Variants in SH3RF3 observed in about 807,000 individuals in gnomAD.
The protein encoded by SH3RF3 is E3 ubiquitin-protein ligase SH3RF3.
SH3RF3 carries 29 observed loss-of-function variants against 66.3 expected under a neutral mutation model. That is an observed-to-expected ratio of 0.44 (90% CI 0.33 to 0.60). SH3RF3 has a LOEUF of 0.60. Among genes scored for constraint, SH3RF3 ranks in the 20% least tolerant of loss-of-function variants. The pLI is 0.04. For missense variants in SH3RF3, 1,194 were observed against 1,190.9 expected (o/e 1.00, Z -0.04); for synonymous variants, 583 against 532.0 (o/e 1.10, Z -1.32).
At chr2:109,240,867 A>C (rs533048973) in intron 1 of SH3RF3, among the ~76,000 whole-genome samples, 1 of 86,556 alleles carries the variant, frequency 1.2e-5, no homozygotes, top group South Asian at 3.9e-4. Flanking sequence ...TGCCCTTGGG[A>C]ACTTGATTCC....
intron 1 of SH3RF3, among the ~76,000 whole-genome samples, chr2:109,133,203 A>G (rs1371317043): frequency 6.6e-6 from 1 of 152,242 alleles, no homozygotes; most frequent in African/African-American, 2.4e-5. Flanking sequence ...GTCACAAATT[A>G]AAGAATTCTA....
At chr2:109,404,775 C>T (rs1384176367) in intron 4 of SH3RF3, among the ~76,000 whole-genome samples, 7 of 152,124 alleles carry the variant, frequency 4.6e-5, no homozygotes, top group East Asian at 1.9e-4. Flanking sequence ...CTCTGCAGTC[C>T]GATCTTGCCC....
At chr2:109,452,269 G>A (rs1677895131) in intron 8 of SH3RF3, among the ~76,000 whole-genome samples, 1 of 152,226 alleles carries the variant, frequency 6.6e-6, no homozygotes, top group Non-Finnish European at 1.5e-5. Flanking sequence ...ACTCCCTGCA[G>A]GCCGCTTCCT....
At position 109,129,740 on chromosome 2, in the gene SH3RF3, C is replaced by T. The variant is rs1299581067; in HGVS notation, c.200C>T (p.Thr67Met). The change falls in exon 1 of 10, where the codon ACG becomes ATG. Residue 67 changes from threonine (T) to methionine (M), a missense_variant. Transcript: ENST00000309415. ...GTGTGTCTGGAGCGCCTGGACACCACGGCCAAGGTGCTGCCATGCCAACAC... is the reference window on the plus strand; with the variant it reads ...GTGTGTCTGGAGCGCCTGGACACCATGGCCAAGGTGCTGCCATGCCAACAC... ...CSVCLERLDTTAKVLPCQHTF... is the reference protein window; with the variant it reads ...CSVCLERLDTMAKVLPCQHTF... 3 of 1,539,150 alleles carry T rather than the reference C, an allele frequency of 1.9e-6. No individual in the cohort carries two copies. Among genetic ancestry groups the T allele is most frequent in the Non-Finnish European group, 2.6e-6 (3 of 1,145,236 alleles).
chr2:109,174,464 A>G (rs899765878), intron 1 of SH3RF3, among the ~76,000 whole-genome samples: 8 of 152,182 alleles, frequency 5.3e-5, no homozygotes, highest in Non-Finnish European at 1.0e-4. Flanking sequence ...TGATCAGAGT[A>G]GGCACCAGGC....
At chr2:109,324,308 C>G (rs1305446482) in intron 1 of SH3RF3, among the ~76,000 whole-genome samples, 2 of 152,154 alleles carry the variant, frequency 1.3e-5, no homozygotes, top group Non-Finnish European at 2.9e-5. Flanking sequence ...TTCCACTGCT[C>G]TAGGAGTAGG....
intron 1 of SH3RF3, among the ~76,000 whole-genome samples, chr2:109,170,602 G>A (rs979903963): frequency 6.6e-6 from 1 of 152,004 alleles, no homozygotes; most frequent in African/African-American, 2.4e-5. Context: ...CACCCGCCTC[G>A]GCCACCCAAA....
At chr2:109,283,293 T>C (rs966952303) in intron 1 of SH3RF3, among the ~76,000 whole-genome samples, 1 of 152,120 alleles carries the variant, frequency 6.6e-6, no homozygotes, top group African/African-American at 2.4e-5. Context: ...CTGTTCCCAC[T>C]CCCCACTTGT....
Position 109,449,421 on chromosome 2 carries a change from A to T in SH3RF3, c.2080A>T (p.Ile694Phe), listed in dbSNP as rs1229545769. The change falls in exon 8 of 10, where the codon ATC (isoleucine) becomes TTC (phenylalanine). Residue 694 changes from isoleucine (I) to phenylalanine (F), a missense_variant. By Grantham distance (21) the Ile-to-Phe change is conservative (BLOSUM62 0). Coordinates refer to ENST00000309415, the MANE Select transcript of SH3RF3 (RefSeq NM_001099289.3). ...CAACGGGGAGGCTGGAGGGGGGCCC[A>T]TCGGTGTTCTGTCCACATCCAGCCC... is the stretch of plus-strand genomic sequence containing the variant. ...NLNGEAGGGP[I>F]GVLSTSSPTN... 2 of 1,613,866 alleles carry T rather than the reference A, an allele frequency of 1.2e-6. No individual in the cohort carries two copies. Among genetic ancestry groups the T allele is most frequent in the South Asian group, 1.1e-5 (1 of 91,054 alleles).
chr2:109,456,192 C>T (rs1678051826), intron 8 of SH3RF3, among the ~76,000 whole-genome samples: 1 of 152,196 alleles, frequency 6.6e-6, no homozygotes, highest in South Asian at 2.1e-4. Context: ...CCACTTGTGC[C>T]TGGCAGCTCT....
At chr2:109,132,104 T>C (rs1194407543) in intron 1 of SH3RF3, among the ~76,000 whole-genome samples, 1 of 152,188 alleles carries the variant, frequency 6.6e-6, no homozygotes, top group Non-Finnish European at 1.5e-5. Context: ...GCCAGGAAAG[T>C]TGAATGCTGG....
intron 5 of SH3RF3, among the ~76,000 whole-genome samples, chr2:109,421,160 G>A (rs1676865691): frequency 6.6e-6 from 1 of 152,208 alleles, no homozygotes; most frequent in Non-Finnish European, 1.5e-5. Flanking sequence ...ATTGGATGCA[G>A]GATGCTATCT....
chr2:109,405,766 T>C (rs566516198), intron 4 of SH3RF3, among the ~76,000 whole-genome samples: 1 of 152,364 alleles, frequency 6.6e-6, no homozygotes, highest in Non-Finnish European at 1.5e-5. Context: ...ACTTCCAGTG[T>C]GCCCATGATG....
At chr2:109,225,374 C>T (rs543392566) in intron 1 of SH3RF3, among the ~76,000 whole-genome samples, 13 of 152,176 alleles carry the variant, frequency 8.5e-5, no homozygotes, top group Non-Finnish European at 1.8e-4. Context: ...CCGGGCTCCG[C>T]TTGGACCCAT....
chr2:109,439,995 A>G (rs1677516247), intron 7 of SH3RF3, among the ~76,000 whole-genome samples: 2 of 152,204 alleles, frequency 1.3e-5, no homozygotes, highest in African/African-American at 4.8e-5. Flanking sequence ...AGAGGAGGTG[A>G]TAATGCCTTG....
intron 1 of SH3RF3, among the ~76,000 whole-genome samples, chr2:109,232,130 GT>G (rs1679528381): frequency 2.6e-5 from 4 of 152,136 alleles, no homozygotes; most frequent in Admixed American, 2.0e-4. Flanking sequence ...CTTAAGTTAC[GT>G]TTCTCTTGTA....
chr2:109,457,593 G>C (rs745731296), intron 8 of SH3RF3, among the ~76,000 whole-genome samples: 2 of 152,272 alleles, frequency 1.3e-5, no homozygotes, highest in Non-Finnish European at 2.9e-5. Flanking sequence ...GTGTGACAGT[G>C]TGGCTGGGGC....
intron 7 of SH3RF3, 56 bp downstream of exon 7, chr2:109,437,202 A>G (rs968812935): frequency 3.9e-6 from 6 of 1,542,760 alleles, no homozygotes; most frequent in Non-Finnish European, 5.3e-6. Flanking sequence ...TTCCTGGGAC[A>G]TGCTTGTGAG....
At chr2:109,327,086 A>T (rs1468985059) in intron 1 of SH3RF3, among the ~76,000 whole-genome samples, 1 of 152,166 alleles carries the variant, frequency 6.6e-6, no homozygotes, top group African/African-American at 2.4e-5. Context: ...ATGTTGTTCC[A>T]CTGAACATTT....
Sources: gnomAD v4.1 joint callset for allele counts (sites outside exome capture counted in the v4.1 genomes callset) on GRCh38, gnomAD v4.1.1 for gene constraint, MANE v1.5 for transcripts, NCBI Gene and HGNC (gene_info 2026-07-23, HGNC 2026-07-21) for gene names.